The following CDH4 variants were observed in gnomAD, a reference collection of about 807,000 sequenced individuals.
The protein encoded by CDH4 is cadherin 4.
CDH4 carries 33 observed loss-of-function variants against 86.0 expected under a neutral mutation model. The ratio of observed to expected loss-of-function variants is 0.38; its 90% CI spans 0.29 to 0.51. CDH4 has a LOEUF of 0.51. Among genes scored for constraint, CDH4 ranks in the 20% least tolerant of loss-of-function variants. The pLI is 0.86. For synonymous variants in CDH4, 555 were observed against 549.4 expected (o/e 1.01, Z -0.14); for missense variants, 1,114 against 1,307.4 (o/e 0.85, Z 2.28).
chr20:61,295,037 AC>A (rs2084344872), intron 2 of CDH4, among the ~76,000 whole-genome samples: 1 of 152,188 alleles, frequency 6.6e-6, no homozygotes, highest in Non-Finnish European at 1.5e-5. Flanking sequence ...CTGGCCTTGC[AC>A]CCTCAATATC....
At chr20:61,818,043 T>G (rs1980819997) in intron 4 of CDH4, among the ~76,000 whole-genome samples, 1 of 152,080 alleles carries the variant, frequency 6.6e-6, no homozygotes, top group South Asian at 2.1e-4. Context: ...TTCTTTTCTT[T>G]TTTTGAGACG....
intron 3 of CDH4, among the ~76,000 whole-genome samples, chr20:61,744,833 C>G (rs146343568): frequency 6.6e-6 from 1 of 152,340 alleles, no homozygotes; most frequent in African/African-American, 2.4e-5. Context: ...GTTCCCCGTG[C>G]CTGACGGGGA....
intron 2 of CDH4, among the ~76,000 whole-genome samples, chr20:61,731,819 C>T (rs538695163): frequency 1.2e-4 from 19 of 152,256 alleles, no homozygotes; most frequent in South Asian, 1.2e-3. Context: ...TTCCTCCACC[C>T]GACTGTCACC....
At chr20:61,444,276 TG>T (rs2085331167) in intron 2 of CDH4, among the ~76,000 whole-genome samples, 2 of 148,314 alleles carry the variant, frequency 1.3e-5, no homozygotes, top group Non-Finnish European at 3.0e-5. Context: ...TGTGTGTGTA[TG>T]TGTATGTATG....
chr20:61,905,068 G>A (rs1057018301), intron 8 of CDH4, among the ~76,000 whole-genome samples: 2 of 152,230 alleles, frequency 1.3e-5, no homozygotes, highest in Non-Finnish European at 2.9e-5. Flanking sequence ...CGGGATGGGT[G>A]CACAGTTGAA....
At chr20:61,391,043 C>G (rs2084982672) in intron 2 of CDH4, among the ~76,000 whole-genome samples, 1 of 152,134 alleles carries the variant, frequency 6.6e-6, no homozygotes, top group South Asian at 2.1e-4. Flanking sequence ...GGGGGGTAGC[C>G]TGACCACAGC....
chr20:61,254,032 G>A (rs1376173389), intron 1 of CDH4, among the ~76,000 whole-genome samples: 1 of 152,210 alleles, frequency 6.6e-6, no homozygotes, highest in Non-Finnish European at 1.5e-5. Flanking sequence ...TGGTCGGAGG[G>A]CCCTGTCGTC....
chr20:61,567,572 C>T (rs1348318350), intron 2 of CDH4, among the ~76,000 whole-genome samples: 1 of 152,216 alleles, frequency 6.6e-6, no homozygotes, highest in East Asian at 1.9e-4. Context: ...TAGGTTTCAA[C>T]ACACAAAATT....
At chr20:61,705,341 C>A (rs73915356) in intron 2 of CDH4, among the ~76,000 whole-genome samples, 2,083 of 152,314 alleles carry the variant, frequency 0.014, 55 homozygotes, top group African/African-American at 0.047. Context: ...GTACAACAGC[C>A]GATCTGGGGG....
At chr20:61,875,645 C>G (rs954915605) in intron 7 of CDH4, among the ~76,000 whole-genome samples, 2 of 152,162 alleles carry the variant, frequency 1.3e-5, no homozygotes, top group African/African-American at 4.8e-5. Context: ...TGTGGTCAGT[C>G]CCAGCACCTT....
chr20:61,338,738 A>G (rs561165160), intron 2 of CDH4, among the ~76,000 whole-genome samples: 1 of 152,344 alleles, frequency 6.6e-6, no homozygotes, highest in East Asian at 1.9e-4. Context: ...AATTATACTT[A>G]ATAGTTCCCC....
rs540675698 is a variant in CDH4 at position 61,531,995 on chromosome 20, C to T, written c.170-211568C>T. Among the ~76,000 whole-genome samples, 5 of 152,378 alleles carry T rather than the reference C, an allele frequency of 3.3e-5. No individual in the cohort carries two copies. In the East Asian group the frequency reaches 9.6e-4, roughly 29 times the overall value. On this transcript the variant is annotated intron_variant, in intron 2 of 15. Transcript: ENST00000614565. Reference sequence around the variant, plus strand: ...TGGCTTCAGCCTGTGGTGGAGGATCCTCAGCTGTGGAAAGCGTCGGCCAGT... The same window carrying T: ...TGGCTTCAGCCTGTGGTGGAGGATCTTCAGCTGTGGAAAGCGTCGGCCAGT...
At chr20:61,258,355 A>G (rs865876279) in intron 2 of CDH4, among the ~76,000 whole-genome samples, 183 of 149,880 alleles carry the variant, frequency 1.2e-3, no homozygotes, top group African/African-American at 4.4e-3. Context: ...AGAAAAAAAA[A>G]AAAGAAAGAG....
At chr20:61,677,814 A>G (rs547638270) in intron 2 of CDH4, among the ~76,000 whole-genome samples, 1,035 of 64,410 alleles carry the variant, frequency 0.016, 11 homozygotes, top group African/African-American at 0.058. Context: ...GATGGAAGAT[A>G]GATGGATAGT....
intron 2 of CDH4, among the ~76,000 whole-genome samples, chr20:61,692,147 GTGTA>G (rs202004999): frequency 0.012 from 1,712 of 148,654 alleles, 31 homozygotes; most frequent in African/African-American, 0.039. Flanking sequence ...GTATGTATGT[GTGTA>G]TGTATGTGTG....
In CDH4 at chr20:61,937,218, TAA is replaced by T. The variant is rs11476350; in HGVS notation, c.*293_*294del. Reference sequence around the variant, plus strand: ...TTTCCTAGAACAGAAGCACTGTTTTTAAAAAAAAAAAAAAAAAAAGAAGAAAG... The same window carrying T: ...TTTCCTAGAACAGAAGCACTGTTTTTAAAAAAAAAAAAAAAAAGAAGAAAG... On this transcript the variant is annotated 3_prime_UTR_variant, in exon 16 of 16. Transcript: ENST00000614565. The T allele has an allele frequency of 1.7e-3, 180 of 103,176 alleles. No individual in the cohort carries two copies. The highest frequency in any genetic ancestry group is 7.0e-3 in the Middle Eastern group (1 of 142). 6.4% of individuals were successfully genotyped at this position (103,176 alleles called of 1,614,324 possible).
rs1024811732 is a variant in CDH4 at position 61,516,772 on chromosome 20, A to G, written c.170-226791A>G. On this transcript the variant is annotated intron_variant, in intron 2 of 15. Coordinates refer to ENST00000614565, the MANE Select transcript of CDH4 (RefSeq NM_001794.5). The surrounding 1 kb of genome is among the most constrained non-coding windows in gnomAD (Gnocchi z 4.0). Reference sequence around the variant, plus strand: ...AATAACCAGGCTCCGTTCCCAGGTCAGTGAGTGTCGGTTTGGCGATCACAC... The same window carrying G: ...AATAACCAGGCTCCGTTCCCAGGTCGGTGAGTGTCGGTTTGGCGATCACAC... Among the ~76,000 whole-genome samples, 1 of 152,150 alleles carries G rather than the reference A, an allele frequency of 6.6e-6. No homozygotes were observed.
intron 3 of CDH4, among the ~76,000 whole-genome samples, chr20:61,747,671 A>C (rs2088433347): frequency 6.6e-6 from 1 of 152,256 alleles, no homozygotes; most frequent in African/African-American, 2.4e-5. Context: ...GATTTGACAT[A>C]GCTGAAGAAT....
At chr20:61,653,439 A>G (rs1188602334) in intron 2 of CDH4, among the ~76,000 whole-genome samples, 5 of 135,706 alleles carry the variant, frequency 3.7e-5, no homozygotes, top group African/African-American at 1.3e-4. Flanking sequence ...CCCGTTCTCA[A>G]TGAGCTGTTG....
Sources: gnomAD v4.1 joint callset for allele counts (sites outside exome capture counted in the v4.1 genomes callset) on GRCh38, gnomAD v4.1.1 for gene constraint, Gnocchi (gnomAD v3.1) non-coding constraint, MANE v1.5 for transcripts, NCBI Gene and HGNC (gene_info 2026-07-23, HGNC 2026-07-21) for gene names.